Variants in KHDRBS2 observed in about 807,000 individuals in gnomAD.
The protein encoded by KHDRBS2 is KH domain-containing, RNA-binding, signal transduction-associated protein 2.
KHDRBS2 carries 26 observed loss-of-function variants against 44.3 expected under a neutral mutation model. The ratio of observed to expected loss-of-function variants is 0.59; its 90% confidence interval spans 0.43 to 0.81. The LOEUF (loss-of-function observed/expected upper bound fraction) is 0.81, where lower values mean the gene tolerates loss of function less well. Among genes scored for constraint, KHDRBS2 ranks in the 40% least tolerant of loss-of-function variants. The probability of loss-of-function intolerance (pLI) is 0.00; values close to 1 mark genes in which losing one functional copy is unlikely to be tolerated. For missense variants in KHDRBS2, 476 were observed against 433.1 expected, an observed-to-expected ratio of 1.10 and a Z score of -0.88; for synonymous variants, 194 against 151.1, an observed-to-expected ratio of 1.28 and a Z score of -2.08.
intron 8 of KHDRBS2, among the ~76,000 whole-genome samples, chr6:61,682,319 C>T (rs1766390804): frequency 6.6e-6 from 1 of 151,680 alleles, no homozygotes; most frequent in Non-Finnish European, 1.5e-5. Context: ...ATATTCTCAC[C>T]AGGGCATTAT....
intron 8 of KHDRBS2, among the ~76,000 whole-genome samples, chr6:61,692,868 C>G (rs2127542349): frequency 6.6e-6 from 1 of 152,108 alleles, no homozygotes; most frequent in South Asian, 2.1e-4. Flanking sequence ...CCTGGGACAA[C>G]TGACTCTGAG....
At chr6:61,781,657 G>C (rs1003745345) in intron 6 of KHDRBS2, among the ~76,000 whole-genome samples, 1 of 152,072 alleles carries the variant, frequency 6.6e-6, no homozygotes, top group South Asian at 2.1e-4. Flanking sequence ...TGCATAGTTT[G>C]TGTAGTGGTC....
chr6:61,874,755 C>T (rs1301206847), intron 6 of KHDRBS2, among the ~76,000 whole-genome samples: 1 of 152,084 alleles, frequency 6.6e-6, no homozygotes, highest in Non-Finnish European at 1.5e-5. Flanking sequence ...GTGGCACAAT[C>T]CCCTCCTCTA....
At chr6:61,846,977 A>C (rs1393305342) in intron 6 of KHDRBS2, among the ~76,000 whole-genome samples, 1 of 152,074 alleles carries the variant, frequency 6.6e-6, no homozygotes, top group Non-Finnish European at 1.5e-5. Flanking sequence ...GAAAGAGTGT[A>C]AGTAAATTAC....
At chr6:62,273,251 C>A (rs1438094158) in intron 1 of KHDRBS2, among the ~76,000 whole-genome samples, 3 of 152,148 alleles carry the variant, frequency 2.0e-5, no homozygotes, top group Admixed American at 2.0e-4. Flanking sequence ...ACTCCTAGCT[C>A]TCCTCCCCTA....
intron 4 of KHDRBS2, among the ~76,000 whole-genome samples, chr6:61,959,011 C>G (rs1452079754): frequency 1.3e-5 from 2 of 152,156 alleles, no homozygotes; most frequent in Non-Finnish European, 2.9e-5. Context: ...GCCACTACAA[C>G]CTCAACTGGT....
chr6:61,919,535 A>AT (rs1807650934), intron 4 of KHDRBS2, among the ~76,000 whole-genome samples: 1 of 151,734 alleles, frequency 6.6e-6, no homozygotes, highest in African/African-American at 2.4e-5. Context: ...TCAGAAGACC[A>AT]TTTTTTTCCT....
intron 6 of KHDRBS2, among the ~76,000 whole-genome samples, chr6:61,832,968 T>G (rs540288166): frequency 6.6e-6 from 1 of 152,242 alleles, no homozygotes; most frequent in Non-Finnish European, 1.5e-5. Context: ...AAATTAATTT[T>G]TTATCAAAAC....
At chr6:62,164,143 A>G (rs1261288934) in intron 2 of KHDRBS2, among the ~76,000 whole-genome samples, 2 of 151,910 alleles carry the variant, frequency 1.3e-5, no homozygotes, top group Non-Finnish European at 2.9e-5. Flanking sequence ...TTAAGATATG[A>G]TATGCTTAAA....
chr6:61,703,881 C>A (rs1369231096), intron 7 of KHDRBS2, among the ~76,000 whole-genome samples: 1 of 151,868 alleles, frequency 6.6e-6, no homozygotes, highest in Non-Finnish European at 1.5e-5. Flanking sequence ...GTTGTATTAT[C>A]TGCTAATTCT....
chr6:62,073,364 C>A (rs1795633167), intron 2 of KHDRBS2, among the ~76,000 whole-genome samples: 1 of 151,302 alleles, frequency 6.6e-6, no homozygotes, highest in African/African-American at 2.4e-5. Flanking sequence ...TTGTAATATT[C>A]TTTCATAAAC....
At chr6:62,149,520 C>A (rs1364000156) in intron 2 of KHDRBS2, among the ~76,000 whole-genome samples, 3 of 152,092 alleles carry the variant, frequency 2.0e-5, no homozygotes, top group African/African-American at 7.2e-5. Flanking sequence ...ATTCCCCCAA[C>A]TAAAAGGTCC....
At chr6:61,647,426 A>C in the KHDRBS2 span, among the ~76,000 whole-genome samples, 1 of 152,172 alleles carries the variant, frequency 6.6e-6, no homozygotes, top group Non-Finnish European at 1.5e-5. Flanking sequence ...GTAATTATCT[A>C]TAATTATCTA....
chr6:62,214,746 T>C (rs1430202800), intron 1 of KHDRBS2, among the ~76,000 whole-genome samples: 3 of 151,968 alleles, frequency 2.0e-5, no homozygotes, highest in Non-Finnish European at 4.4e-5. Flanking sequence ...CTCTGTCACA[T>C]ACAGATTTTA....
intron 2 of KHDRBS2, among the ~76,000 whole-genome samples, chr6:62,110,083 G>A (rs1804651034): frequency 6.6e-6 from 1 of 151,698 alleles, no homozygotes; most frequent in African/African-American, 2.4e-5. Flanking sequence ...AAAACGACAA[G>A]GCCCAGGAAG....
At chr6:61,638,163 GT>G in the KHDRBS2 span, among the ~76,000 whole-genome samples, 1 of 151,994 alleles carries the variant, frequency 6.6e-6, no homozygotes, top group African/African-American at 2.4e-5. Context: ...CTACTTTAAA[GT>G]TCATATGGAA....
intron 6 of KHDRBS2, among the ~76,000 whole-genome samples, chr6:61,868,059 T>C (rs1798040007): frequency 6.6e-6 from 1 of 152,050 alleles, no homozygotes; most frequent in South Asian, 2.1e-4. Context: ...CCAGCTGAGA[T>C]GCCCAAACAG....
chr6:61,776,430 C>G (rs1473133533), intron 6 of KHDRBS2, among the ~76,000 whole-genome samples: 1 of 151,612 alleles, frequency 6.6e-6, no homozygotes, highest in Non-Finnish European at 1.5e-5. Context: ...ACAATGAACT[C>G]AAACAAATTT....
intron 2 of KHDRBS2, among the ~76,000 whole-genome samples, chr6:62,174,349 T>TG (rs1364010874): frequency 6.6e-6 from 1 of 151,124 alleles, no homozygotes; most frequent in Non-Finnish European, 1.5e-5. Flanking sequence ...AACAAAAAGG[T>TG]GAAAGATCTC....
Sources: gnomAD v4.1 joint callset for allele counts (sites outside exome capture counted in the v4.1 genomes callset) on GRCh38, gnomAD v4.1.1 for gene constraint, MANE v1.5 for transcripts, NCBI Gene and HGNC (gene_info 2026-07-23, HGNC 2026-07-21) for gene names.